The following CADPS2 variants were observed in gnomAD, a reference collection of about 807,000 sequenced individuals.
The protein encoded by CADPS2 is calcium-dependent secretion activator 2.
A neutral mutation model predicts 172.5 loss-of-function variants in CADPS2; 93 were observed. The observed-to-expected ratio is 0.54, with a 90% CI of 0.46 to 0.64. The LOEUF (loss-of-function observed/expected upper bound fraction) is 0.64. Among genes scored for constraint, CADPS2 ranks in the 30% least tolerant of loss-of-function variants. The probability of loss-of-function intolerance (pLI) is 0.00; values close to 1 mark genes in which losing one functional copy is unlikely to be tolerated. For missense variants in CADPS2, 1,420 were observed against 1,565.9 expected, an observed-to-expected ratio of 0.91 and a Z score of 1.57; for synonymous variants, 546 against 555.2, an observed-to-expected ratio of 0.98 and a Z score of 0.23.
chr7:122,871,775 G>T (rs1451113818), intron 1 of CADPS2, among the ~76,000 whole-genome samples: 3 of 152,144 alleles, frequency 2.0e-5, no homozygotes, highest in South Asian at 2.1e-4. Flanking sequence ...TACTCATCCT[G>T]TTAAGTAGCT....
intron 3 of CADPS2, among the ~76,000 whole-genome samples, chr7:122,639,181 G>C (rs1303435338): frequency 6.6e-6 from 1 of 152,220 alleles, no homozygotes; most frequent in African/African-American, 2.4e-5. Context: ...TGTTAGAATT[G>C]AAGGGGATAA....
intron 24 of CADPS2, among the ~76,000 whole-genome samples, chr7:122,381,215 G>A (rs2042961984): frequency 6.6e-6 from 1 of 152,094 alleles, no homozygotes. Context: ...AGCTCTGCCT[G>A]GCTCTCCCAC....
chr7:122,538,005 C>T (rs1408217027), intron 8 of CADPS2, among the ~76,000 whole-genome samples: 14 of 151,588 alleles, frequency 9.2e-5, no homozygotes, highest in Admixed American at 9.2e-4. Context: ...TCAACAATTA[C>T]TAAAAAACTT....
At chr7:122,554,965 T>G (rs1000311529) in intron 7 of CADPS2, among the ~76,000 whole-genome samples, 3 of 152,106 alleles carry the variant, frequency 2.0e-5, no homozygotes, top group Admixed American at 2.0e-4. Context: ...CACAGTTGAA[T>G]TGACGTTGAA....
chr7:122,841,372 C>T (rs1290060098), intron 1 of CADPS2, among the ~76,000 whole-genome samples: 1 of 151,952 alleles, frequency 6.6e-6, no homozygotes, highest in African/African-American at 2.4e-5. Flanking sequence ...AGAAAAAAAA[C>T]TAATTATATG....
chr7:122,704,064 C>A (rs1279855009), intron 2 of CADPS2, among the ~76,000 whole-genome samples: 1 of 152,040 alleles, frequency 6.6e-6, no homozygotes, highest in Admixed American at 6.6e-5. Context: ...CTTCTATGTG[C>A]TCAGCATGCC....
At chr7:122,636,950 G>T (rs2134368528) in intron 3 of CADPS2, among the ~76,000 whole-genome samples, 1 of 152,102 alleles carries the variant, frequency 6.6e-6, no homozygotes, top group African/African-American at 2.4e-5. Flanking sequence ...TTTCCAAGTT[G>T]CTTACTCTCT....
intron 2 of CADPS2, among the ~76,000 whole-genome samples, chr7:122,704,980 A>C (rs2086753986): frequency 6.6e-6 from 1 of 152,060 alleles, no homozygotes; most frequent in African/African-American, 2.4e-5. Flanking sequence ...AGAAACCCTA[A>C]TCTAATGAAA....
intron 2 of CADPS2, among the ~76,000 whole-genome samples, chr7:122,686,226 C>T (rs1199576117): frequency 2.0e-5 from 3 of 151,990 alleles, no homozygotes; most frequent in Non-Finnish European, 4.4e-5. Context: ...CTCACAACTC[C>T]CTTGACAGTT....
At chr7:122,837,959 T>G (rs185541983) in intron 1 of CADPS2, among the ~76,000 whole-genome samples, 2 of 152,044 alleles carry the variant, frequency 1.3e-5, no homozygotes, top group Non-Finnish European at 2.9e-5. Context: ...TACCAAAGCC[T>G]GGCAGAGACA....
chr7:122,494,131 G>A (rs747281162), intron 9 of CADPS2, among the ~76,000 whole-genome samples: 8 of 152,116 alleles, frequency 5.3e-5, no homozygotes, highest in Non-Finnish European at 1.0e-4. Context: ...GGCCCTAAGA[G>A]CAAAAACTAA....
chr7:122,705,919 TATAA>T lies in CADPS2; in HGVS notation c.453+31032_453+31035del, dbSNP rs1378665960. Among the ~76,000 whole-genome samples, 2 of 1,718 alleles carry T rather than the reference TATAA, an allele frequency of 1.2e-3. 1 individual carries two copies. Among genetic ancestry groups the T allele is most frequent in the African/African-American group, 2.0e-3 (2 of 1,020 alleles). The allele number at this position is 1,718 out of a possible 152,430, so 1.1% of individuals were successfully genotyped here. A position where few individuals can be genotyped will look rare whatever the true frequency, so the allele number is the denominator to read the frequency against. On this transcript the variant is annotated intron_variant, in intron 2 of 29. Coordinates refer to ENST00000449022, the MANE Select transcript of CADPS2 (RefSeq NM_017954.11). ...ATATAATATATAATATATTATATAA[TATAA>T]TATATAATATATTATATAATATAAT...
chr7:122,538,967 T>C (rs1367637796), intron 8 of CADPS2, among the ~76,000 whole-genome samples: 3 of 152,120 alleles, frequency 2.0e-5, no homozygotes, highest in East Asian at 1.9e-4. Flanking sequence ...ACAATGAATG[T>C]AGGTCTTAAA....
At chr7:122,693,801 A>AAAAT (rs1249760291) in intron 2 of CADPS2, among the ~76,000 whole-genome samples, 4 of 152,140 alleles carry the variant, frequency 2.6e-5, no homozygotes, top group Non-Finnish European at 5.9e-5. Context: ...ACTAAAAGTA[A>AAAAT]AAATAAATAA....
At chr7:122,683,396 A>G (rs1403999516) in intron 2 of CADPS2, among the ~76,000 whole-genome samples, 1 of 152,184 alleles carries the variant, frequency 6.6e-6, no homozygotes, top group Non-Finnish European at 1.5e-5. Flanking sequence ...CAAGAAAAAC[A>G]GGGTCAGTTG....
chr7:122,647,454 CA>C (rs1178933009), intron 3 of CADPS2, among the ~76,000 whole-genome samples: 2 of 152,122 alleles, frequency 1.3e-5, no homozygotes, highest in Non-Finnish European at 2.9e-5. Context: ...TAGTTTTAGA[CA>C]TTTAATAGTA....
At position 122,481,162 on chromosome 7, in the gene CADPS2, C is replaced by CTTT. The variant is rs35352953; in HGVS notation, c.1853-305_1853-303dup. ...AGGTAGAACATTTTCTTTCTTCATT[C>CTTT]TTTTTTTTTTTTTTTTTTTTTTTGA... On this transcript the variant is annotated intron_variant, in intron 11 of 29. Coordinates refer to ENST00000449022, the MANE Select transcript of CADPS2 (RefSeq NM_017954.11). Among the ~76,000 whole-genome samples, 424 of 107,496 alleles carry CTTT rather than the reference C, an allele frequency of 3.9e-3. 4 individuals carry two copies. Among genetic ancestry groups the CTTT allele is most frequent in the African/African-American group, 0.012 (332 of 27,990 alleles). The allele number at this position is 107,496 out of a possible 152,430, so 70.5% of individuals were successfully genotyped here. A position where few individuals can be genotyped will look rare whatever the true frequency, so the allele number is the denominator to read the frequency against.
At chr7:122,383,832 T>C (rs1350134692) in intron 24 of CADPS2, among the ~76,000 whole-genome samples, 2 of 152,140 alleles carry the variant, frequency 1.3e-5, no homozygotes, top group Non-Finnish European at 2.9e-5. Flanking sequence ...ATTTTAAAGG[T>C]ACTGGATTGT....
At chr7:122,885,886 A>C in intron 1 of CADPS2, 113 bp downstream of exon 1, 4 of 1,299,860 alleles carry the variant, frequency 3.1e-6, no homozygotes, top group Non-Finnish European at 4.3e-6. Context: ...TCAGAGACTA[A>C]CAAAAATACG....
Sources: allele counts gnomAD v4.1 joint callset (sites outside exome capture counted in the v4.1 genomes callset), GRCh38; gene constraint gnomAD v4.1.1; transcripts MANE v1.5; gene names NCBI Gene and HGNC (gene_info 2026-07-23, HGNC 2026-07-21).